MYH14: variants seen among roughly 807,000 people sequenced by gnomAD.
MYH14 encodes myosin heavy chain 14.
In MYH14, 123 loss-of-function variants were observed where a neutral mutation model predicts 255.5. The observed-to-expected ratio is 0.48, with a 90% CI of 0.42 to 0.56. MYH14 has a LOEUF of 0.56. Among genes scored for constraint, MYH14 ranks in the 20% least tolerant of loss-of-function variants. MYH14 has a pLI of 0.00. For missense variants in MYH14, 2,423 were observed against 2,802.3 expected (o/e 0.86, Z 3.06); for synonymous variants, 1,095 against 1,161.2 (o/e 0.94, Z 1.16).
intron 3 of MYH14, among the ~76,000 whole-genome samples, chr19:50,222,265 G>A (rs1351867261): frequency 1.3e-5 from 2 of 151,990 alleles, no homozygotes; most frequent in Non-Finnish European, 2.9e-5. Flanking sequence ...TGGATCACGA[G>A]GTCAGGAGAT....
intron 10 of MYH14, among the ~76,000 whole-genome samples, chr19:50,243,632 A>C (rs2033979833): frequency 6.6e-6 from 1 of 152,190 alleles, no homozygotes; most frequent in Non-Finnish European, 1.5e-5. Context: ...CATTCAAAAT[A>C]ATTTTTTAAG....
chr19:50,305,463 G>C (rs1406745364), intron 40 of MYH14, among the ~76,000 whole-genome samples: 1 of 152,070 alleles, frequency 6.6e-6, no homozygotes, highest in South Asian at 2.1e-4. Flanking sequence ...AGGCCTCAGG[G>C]ACAGGCAGAA....
chr19:50,268,834 A>T (rs2035191837), intron 24 of MYH14, among the ~76,000 whole-genome samples: 2 of 152,224 alleles, frequency 1.3e-5, no homozygotes, highest in Admixed American at 6.5e-5. Flanking sequence ...CCAGGCATTC[A>T]GGCAATGTTC....
chr19:50,277,641 C>T (rs1271573013), intron 29 of MYH14, among the ~76,000 whole-genome samples: 4 of 151,698 alleles, frequency 2.6e-5, no homozygotes, highest in Admixed American at 6.6e-5. Flanking sequence ...ATGGGCCAGA[C>T]GTGGTGGCTC....
intron 11 of MYH14, among the ~76,000 whole-genome samples, chr19:50,246,129 TTCCC>T (rs1395859829): frequency 1.6e-5 from 2 of 121,996 alleles, no homozygotes; most frequent in Admixed American, 1.9e-4. Flanking sequence ...CCTTCCTTCC[TTCCC>T]TCCTTCCTTC....
In MYH14 at chr19:50,309,863, T is replaced by C; in HGVS notation, c.*73T>C. The stretch of plus-strand genomic sequence containing the variant: ...CCTCCCTGGACCCCACGGGCCCCTG[T>C]CCCAGGAACCCCGCCCTCTGACTTC... On this transcript the variant is annotated 3_prime_UTR_variant, in exon 43 of 43. Coordinates refer to ENST00000642316, the MANE Select transcript of MYH14 (RefSeq NM_001145809.2). The C allele has an allele frequency of 6.8e-7, 1 of 1,467,588 alleles. No individual in the cohort carries two copies. The highest frequency in any genetic ancestry group is 2.5e-5 in the East Asian group (1 of 40,358). The allele number at this position is 1,467,588 out of a possible 1,614,324, so 90.9% of individuals were successfully genotyped here. A position where few individuals can be genotyped will look rare whatever the true frequency, so the allele number is the denominator to read the frequency against.
chr19:50,246,313 G>A (rs189617881), intron 11 of MYH14, among the ~76,000 whole-genome samples: 212 of 151,764 alleles, frequency 1.4e-3, no homozygotes, highest in African/African-American at 4.6e-3. Context: ...GCTAATTTTT[G>A]TATTTTTAGT....
chr19:50,272,412 G>C, intron 26 of MYH14, 148 bp from the exon 27 acceptor site: 1 of 840,652 alleles, frequency 1.2e-6, no homozygotes, highest in South Asian at 1.5e-5. Flanking sequence ...GAGTCCCTGA[G>C]ATAGATGGGG....
intron 23 of MYH14, among the ~76,000 whole-genome samples, chr19:50,267,249 C>T (rs190066514): frequency 3.9e-5 from 3 of 77,692 alleles, no homozygotes; most frequent in East Asian, 7.7e-4. Flanking sequence ...GGGTATGGGC[C>T]GGGTAGGGGT....
At chr19:50,228,775 C>T (rs940502992) in intron 8 of MYH14, among the ~76,000 whole-genome samples, 5 of 152,226 alleles carry the variant, frequency 3.3e-5, no homozygotes, top group African/African-American at 1.2e-4. Context: ...CCTGTCCACG[C>T]TCCCCATGCA....
intron 33 of MYH14, among the ~76,000 whole-genome samples, chr19:50,282,883 C>T (rs532380864): frequency 6.4e-4 from 98 of 152,142 alleles, no homozygotes; most frequent in Non-Finnish European, 1.2e-3. Flanking sequence ...CACTGTGCTT[C>T]CTGTAGCTGT....
At chr19:50,242,998 C>T (rs2033948683) in intron 10 of MYH14, among the ~76,000 whole-genome samples, 1 of 152,128 alleles carries the variant, frequency 6.6e-6, no homozygotes, top group South Asian at 2.1e-4. Flanking sequence ...AGAAGGCTGC[C>T]ATGTGGCTTT....
chr19:50,298,174 G>A (rs1164848297), intron 39 of MYH14, among the ~76,000 whole-genome samples: 2 of 152,142 alleles, frequency 1.3e-5, no homozygotes, highest in Non-Finnish European at 2.9e-5. Context: ...TAAACCCAGC[G>A]AGGCCTGTCT....
chr19:50,223,743 T>C (rs907813101), intron 5 of MYH14, among the ~76,000 whole-genome samples: 6 of 152,082 alleles, frequency 3.9e-5, no homozygotes, highest in African/African-American at 1.4e-4. Flanking sequence ...GTGGGTGCTG[T>C]TTTCCTGCAC....
intron 10 of MYH14, among the ~76,000 whole-genome samples, chr19:50,239,053 T>A (rs1422831196): frequency 6.6e-6 from 1 of 152,152 alleles, no homozygotes. Flanking sequence ...GGAGTCTCAC[T>A]CTGTCCCCCA....
At position 50,275,986 on chromosome 19, in the gene MYH14, C is replaced by T; in HGVS notation, c.3468-5C>T. The T allele has an allele frequency of 1.2e-6, 2 of 1,610,976 alleles. No homozygotes were observed. The highest frequency in any genetic ancestry group is 1.3e-5 in the African/African-American group (1 of 75,020). ...TATCAACTCCACGGTTCTTGTCACC[C>T]CCAGGGCAGAAGACGAGGGTGGGGC... On this transcript the variant is annotated splice_region_variant and splice_polypyrimidine_tract_variant and intron_variant, in intron 27 of 42. Coordinates refer to ENST00000642316, the MANE Select transcript of MYH14 (RefSeq NM_001145809.2).
chr19:50,248,062 A>G (rs2034202084), intron 12 of MYH14, among the ~76,000 whole-genome samples: 1 of 13,400 alleles, frequency 7.5e-5, no homozygotes, highest in Admixed American at 8.1e-4. Flanking sequence ...TCTGTCTCAA[A>G]AAAAAAAAAA....
chr19:50,259,698 G>A (rs933785412), intron 19 of MYH14, among the ~76,000 whole-genome samples: 2 of 152,118 alleles, frequency 1.3e-5, no homozygotes, highest in African/African-American at 2.4e-5. Context: ...GACCAACGTG[G>A]AGAAACCCCA....
At chr19:50,309,428 CCTCT>C (rs1424179650) in intron 42 of MYH14, 17 of 615,986 alleles carry the variant, frequency 2.8e-5, no homozygotes, top group Admixed American at 8.2e-5. Flanking sequence ...CTCCTTTCCT[CCTCT>C]CTGTGTGTCC....
Sources: gnomAD v4.1 joint callset for allele counts (sites outside exome capture counted in the v4.1 genomes callset) on GRCh38, gnomAD v4.1.1 for gene constraint, MANE v1.5 for transcripts, NCBI Gene and HGNC (gene_info 2026-07-23, HGNC 2026-07-21) for gene names.